The following SLC1A1 variants were observed in gnomAD, a reference collection of about 807,000 sequenced individuals.
SLC1A1 encodes solute carrier family 1 member 1, also known as excitatory amino acid transporter 3.
A neutral mutation model predicts 53.3 loss-of-function variants in SLC1A1; 43 were observed. That is an observed-to-expected ratio of 0.81 (90% confidence interval 0.63 to 1.04). SLC1A1 has a LOEUF of 1.04. Among genes scored for constraint, SLC1A1 ranks in the 50% least tolerant of loss-of-function variants. SLC1A1 has a pLI of 0.00. For synonymous variants in SLC1A1, 307 were observed against 243.2 expected (o/e 1.26, Z -2.44); for missense variants, 748 against 664.9 (o/e 1.12, Z -1.37).
intron 11 of SLC1A1, among the ~76,000 whole-genome samples, chr9:4,584,019 T>C (rs943682288): frequency 2.0e-5 from 3 of 152,174 alleles, no homozygotes; most frequent in Middle Eastern, 3.2e-3. Flanking sequence ...CCCACTTCTG[T>C]GCATGGATCT....
At chr9:4,524,001 C>T (rs1253279223) in intron 1 of SLC1A1, among the ~76,000 whole-genome samples, 1 of 152,222 alleles carries the variant, frequency 6.6e-6, no homozygotes. Flanking sequence ...TGTGATTTAA[C>T]ATGCCTTATT....
intron 6 of SLC1A1, among the ~76,000 whole-genome samples, chr9:4,571,160 T>C (rs893204299): frequency 6.6e-6 from 1 of 152,208 alleles, no homozygotes; most frequent in Admixed American, 6.5e-5. Context: ...CTGTTCTTTC[T>C]TATAAGTGGG....
At chr9:4,545,750 C>A (rs1198458841) in intron 2 of SLC1A1, among the ~76,000 whole-genome samples, 1 of 152,120 alleles carries the variant, frequency 6.6e-6, no homozygotes, top group Non-Finnish European at 1.5e-5. Context: ...ATGACTTTTC[C>A]CTTATTGATC....
chr9:4,539,636 A>G (rs916971260), intron 1 of SLC1A1, among the ~76,000 whole-genome samples: 1 of 152,032 alleles, frequency 6.6e-6, no homozygotes, highest in Non-Finnish European at 1.5e-5. Context: ...CAGTGGCATG[A>G]TCTCGGCTCA....
Position 4,587,300 on chromosome 9 carries a change from C to A in SLC1A1, c.*1742C>A, listed in dbSNP as rs1303157164. The A allele has an allele frequency of 6.6e-6, 1 of 152,138 alleles. No homozygotes were observed. Among genetic ancestry groups the A allele is most frequent in the African/African-American group, 2.4e-5 (1 of 41,438 alleles). 9.4% of individuals were successfully genotyped at this position (152,138 alleles called of 1,614,324 possible). On this transcript the variant is annotated 3_prime_UTR_variant, in exon 12 of 12. Coordinates refer to ENST00000262352, the MANE Select transcript of SLC1A1 (RefSeq NM_004170.6). Reference sequence around the variant, plus strand: ...ATTTATCTTGGGCTAAATGGTTCTACCCCTTACTAGGTTGCCCCAATTAGT... The same window carrying A: ...ATTTATCTTGGGCTAAATGGTTCTAACCCTTACTAGGTTGCCCCAATTAGT...
intron 1 of SLC1A1, among the ~76,000 whole-genome samples, chr9:4,501,756 C>T (rs1203398490): frequency 6.7e-6 from 1 of 150,090 alleles, no homozygotes; most frequent in African/African-American, 2.5e-5. Context: ...GAGAGCTAAA[C>T]TCCATCTCCA....
At chr9:4,547,457 C>T (rs1817585554) in intron 2 of SLC1A1, among the ~76,000 whole-genome samples, 1 of 152,146 alleles carries the variant, frequency 6.6e-6, no homozygotes, top group Non-Finnish European at 1.5e-5. Context: ...ATGAACAAAG[C>T]AGGGTGGGGA....
intron 1 of SLC1A1, among the ~76,000 whole-genome samples, chr9:4,491,946 C>A (rs1820249974): frequency 6.6e-6 from 1 of 152,110 alleles, no homozygotes; most frequent in Non-Finnish European, 1.5e-5. Context: ...GGGGATAGGG[C>A]ATGGAAATGG....
intron 1 of SLC1A1, among the ~76,000 whole-genome samples, chr9:4,510,229 C>T (rs1375331493): frequency 1.3e-5 from 2 of 152,158 alleles, no homozygotes; most frequent in African/African-American, 4.8e-5. Flanking sequence ...TAGCTATATA[C>T]CAGCAGGACC....
chr9:4,497,376 A>G (rs909268622), intron 1 of SLC1A1, among the ~76,000 whole-genome samples: 3 of 152,094 alleles, frequency 2.0e-5, no homozygotes, highest in African/African-American at 2.4e-5. Flanking sequence ...TTATTACCCT[A>G]TATTCTGATG....
At chr9:4,541,616 G>A (rs1817016646) in intron 1 of SLC1A1, among the ~76,000 whole-genome samples, 1 of 152,174 alleles carries the variant, frequency 6.6e-6, no homozygotes, top group African/African-American at 2.4e-5. Context: ...AACAATGTAG[G>A]TAAGGAAAAG....
At chr9:4,534,042 T>C (rs1222803918) in intron 1 of SLC1A1, among the ~76,000 whole-genome samples, 1 of 152,136 alleles carries the variant, frequency 6.6e-6, no homozygotes, top group Non-Finnish European at 1.5e-5. Flanking sequence ...CCAGAATCTC[T>C]GGGACACGTT....
At chr9:4,522,655 A>T (rs1248661969) in intron 1 of SLC1A1, among the ~76,000 whole-genome samples, 1 of 152,186 alleles carries the variant, frequency 6.6e-6, no homozygotes, top group Non-Finnish European at 1.5e-5. Context: ...GCCTCAGGAA[A>T]CTTACAATCA....
rs1432844009 is a variant in SLC1A1, at chr9:4,549,102, G to T, written c.232+4395G>T. ...CTACTTCCCAAAATTAAACTATGAT[G>T]ATTGGAGCCTCCTATGACCAACACA... On this transcript the variant is annotated intron_variant, in intron 2 of 11. Transcript: ENST00000262352. The surrounding 1 kb of genome is among the most constrained non-coding windows in gnomAD (Gnocchi z 4.1). Among the ~76,000 whole-genome samples the T allele has an allele frequency of 6.6e-6, 1 of 152,194 alleles. No homozygotes were observed. The highest frequency in any genetic ancestry group is 2.4e-5 in the African/African-American group (1 of 41,436).
chr9:4,507,214 G>A (rs1434564023), intron 1 of SLC1A1, among the ~76,000 whole-genome samples: 2 of 151,674 alleles, frequency 1.3e-5, no homozygotes, highest in African/African-American at 4.8e-5. Flanking sequence ...CAGCCTGGGT[G>A]ACACAGCAAG....
intron 1 of SLC1A1, among the ~76,000 whole-genome samples, chr9:4,519,369 C>G (rs10115600): frequency 0.29 from 44,207 of 152,066 alleles, 6,563 homozygotes; most frequent in South Asian, 0.38. Flanking sequence ...TACCCTCACT[C>G]AAGTTTTTAG....
intron 1 of SLC1A1, among the ~76,000 whole-genome samples, chr9:4,510,671 T>G (rs1317202952): frequency 1.3e-5 from 2 of 152,186 alleles, no homozygotes; most frequent in African/African-American, 4.8e-5. Context: ...GGTTTCTTTT[T>G]CCCAGTTCCA....
At chr9:4,582,696 C>G (rs1027372088) in intron 10 of SLC1A1, among the ~76,000 whole-genome samples, 10 of 152,292 alleles carry the variant, frequency 6.6e-5, no homozygotes, top group African/African-American at 2.4e-4. Context: ...TACACGAAGC[C>G]TCCTATTAAC....
rs764977229 is a variant in SLC1A1, at chr9:4,576,078, T to C, written c.953T>C (p.Met318Thr). The C allele has an allele frequency of 2.5e-6, 4 of 1,613,926 alleles. No homozygotes were observed. The highest frequency in any genetic ancestry group is 2.5e-6 in the Non-Finnish European group (3 of 1,179,762). ...VVRKNPFRFA[M>T]GMAQALLTAL... ...CGAAAGAACCCTTTCCGATTTGCCATGGGAATGGCCCAGGCTCTCCTGACA... is the reference window on the plus strand; with the variant it reads ...CGAAAGAACCCTTTCCGATTTGCCACGGGAATGGCCCAGGCTCTCCTGACA... Residue 318 changes from methionine to threonine, a missense_variant, in exon 9 of 12, where the codon ATG becomes ACG. Met to Thr is a moderately conservative substitution (Grantham distance 81). Transcript: ENST00000262352.
Sources: allele counts gnomAD v4.1 joint callset (sites outside exome capture counted in the v4.1 genomes callset), GRCh38; gene constraint gnomAD v4.1.1; non-coding constraint Gnocchi (gnomAD v3.1); transcripts MANE v1.5; gene names NCBI Gene and HGNC (gene_info 2026-07-23, HGNC 2026-07-21).